DNM1L: variants seen among roughly 807,000 people sequenced by gnomAD.
DNM1L encodes dynamin 1L.
In DNM1L, 33 loss-of-function variants were observed where a neutral mutation model predicts 92.8. The ratio of observed to expected loss-of-function variants is 0.36; its 90% CI spans 0.27 to 0.48. The LOEUF (loss-of-function observed/expected upper bound fraction) is 0.48, where lower values mean the gene tolerates loss of function less well. DNM1L is among the 20% of genes least tolerant of loss of function. The probability of loss-of-function intolerance (pLI) is 0.99; values close to 1 mark genes in which losing one functional copy is unlikely to be tolerated. For synonymous variants in DNM1L, 284 were observed against 305.0 expected (o/e 0.93, Z 0.72); for missense variants, 485 against 888.8 (o/e 0.55, Z 5.78).
At chr12:32,737,976 C>G (rs1380629848) in intron 15 of DNM1L, 34 bp downstream of exon 15, 5 of 1,597,040 alleles carry the variant, frequency 3.1e-6, no homozygotes, top group East Asian at 4.5e-5. Context: ...GCCTGCATGC[C>G]TTGTTCTCTG....
In DNM1L at chr12:32,742,655, A is replaced by C; in HGVS notation, c.2061A>C (p.Val687=). Residue 687 remains valine (V), a synonymous_variant, in exon 19 of 20, where the codon GTA becomes GTC. Transcript: ENST00000549701. ...AAGACACTCTTCAGAGTGAGCTAGT[A>C]GGCCAGCTGTATAAATCATCCTTAT... ...HVKDTLQSEL[V]GQLYKSSLLD... is the part of the protein sequence containing the mutation. The C allele has an allele frequency of 6.2e-7, 1 of 1,614,154 alleles. No individual in the cohort carries two copies. The highest frequency in any genetic ancestry group is 8.5e-7 in the Non-Finnish European group (1 of 1,180,022).
chr12:32,737,936 T>C lies in DNM1L; in HGVS notation c.1668T>C (p.Asp556=). 6.2e-7 allele frequency: 1 copy of C among 1,613,944 alleles called. No homozygotes were observed. The highest frequency in any genetic ancestry group is 8.5e-7 in the Non-Finnish European group (1 of 1,179,990). Residue 556 remains aspartate, a synonymous_variant, in exon 15 of 20, where the codon GAT becomes GAC. Transcript: ENST00000549701. Reference sequence around the variant, plus strand: ...CCCCCGCTGCTTCTGCTGAGGCTGATGGCAAGGTCTGTTCTGATTCTTAAT... The same window carrying C: ...CCCCCGCTGCTTCTGCTGAGGCTGACGGCAAGGTCTGTTCTGATTCTTAAT... ...EPSPAASAEA[D]GKLIQDSRRE...
rs1955573805 is a variant in DNM1L at position 32,745,168 on chromosome 12, G to A, written c.*1758G>A. On this transcript the variant is annotated 3_prime_UTR_variant, in exon 20 of 20. Transcript: ENST00000549701. ...GAGGATACATGCTCCCAAAACGTTT[G>A]TTACCACACTTAAAAATCACTGCCA... The A allele has an allele frequency of 3.6e-6, 1 of 277,584 alleles. No individual in the cohort carries two copies. The highest frequency in any genetic ancestry group is 3.7e-5 in the South Asian group (1 of 27,340). 17.2% of individuals were successfully genotyped at this position (277,584 alleles called of 1,614,324 possible).
Position 32,743,351 on chromosome 12 carries a change from C to A in DNM1L, c.2155-3C>A. On this transcript the variant is annotated splice_polypyrimidine_tract_variant and splice_region_variant and intron_variant, in intron 19 of 19. Coordinates refer to ENST00000549701, the MANE Select transcript of DNM1L (RefSeq NM_012062.5). ...ATTTAAAATTTTTTTTCCTTTAATGCAGGCATTACAAGGAGCCAGTCAAAT... is the reference window on the plus strand; with the variant it reads ...ATTTAAAATTTTTTTTCCTTTAATGAAGGCATTACAAGGAGCCAGTCAAAT... 1 of 1,613,416 alleles carries A rather than the reference C, an allele frequency of 6.2e-7. No individual in the cohort carries two copies. The highest frequency in any genetic ancestry group is 8.5e-7 in the Non-Finnish European group (1 of 1,179,836).
Position 32,701,446 on chromosome 12 carries a change from T to G in DNM1L, c.134T>G (p.Leu45Arg). 1 of 1,614,038 alleles carries G rather than the reference T, an allele frequency of 6.2e-7. No homozygotes were observed. The highest frequency in any genetic ancestry group is 8.5e-7 in the Non-Finnish European group (1 of 1,179,916). The part of the protein sequence containing the change: ...SSGKSSVLES[L>R]VGRDLLPRGT... The stretch of plus-strand genomic sequence containing the variant: ...GGAAAGAGCTCAGTGCTAGAAAGCC[T>G]GGTGGGGAGGGACCTGCTTCCCAGA... The change falls in exon 2 of 20, where the codon CTG becomes CGG. Residue 45 changes from leucine to arginine, a missense_variant. Leu to Arg is a moderately radical substitution (Grantham distance 102). Transcript: ENST00000549701.
intron 1 of DNM1L, among the ~76,000 whole-genome samples, chr12:32,698,953 G>C (rs1952581901): frequency 6.6e-6 from 1 of 152,004 alleles, no homozygotes; most frequent in African/African-American, 2.4e-5. Flanking sequence ...CCAGAAGTTA[G>C]AGGCTGCAGT....
chr12:32,728,190 C>CACAGA (rs1338758404), intron 9 of DNM1L: 1 of 152,064 alleles, frequency 6.6e-6, no homozygotes, highest in Non-Finnish European at 1.5e-5. Context: ...GGGTACAATC[C>CACAGA]ACAGAGCTTG....
chr12:32,717,348 TTA>T (rs1470198702), intron 6 of DNM1L, among the ~76,000 whole-genome samples: 6 of 64,874 alleles, frequency 9.2e-5, no homozygotes, highest in African/African-American at 4.6e-4. Context: ...ATACTATATA[TTA>T]TATATAGTAT....
intron 14 of DNM1L, chr12:32,737,393 A>C (rs530860986): frequency 2.0e-6 from 1 of 499,914 alleles, no homozygotes; most frequent in East Asian, 3.5e-5. Context: ...CATTTATTTA[A>C]GCATTTAAGC....
At chr12:32,689,981 T>C (rs986835080) in intron 1 of DNM1L, among the ~76,000 whole-genome samples, 1 of 152,358 alleles carries the variant, frequency 6.6e-6, no homozygotes, top group South Asian at 2.1e-4. Flanking sequence ...TTTGGGAGTT[T>C]GTGGAGAAAA....
intron 3 of DNM1L, among the ~76,000 whole-genome samples, 199 bp from the exon 4 acceptor site, chr12:32,707,954 G>T (rs1368968120): frequency 7.9e-6 from 1 of 126,112 alleles, no homozygotes; most frequent in African/African-American, 2.9e-5. Context: ...CTCTCTCAAA[G>T]AAAAAAAAAA....
chr12:32,687,173 T>TTGTGA (rs151269726), intron 1 of DNM1L, among the ~76,000 whole-genome samples: 23,255 of 151,796 alleles, frequency 0.15, 1,882 homozygotes, highest in Middle Eastern at 0.21. Flanking sequence ...CTTTTATTGC[T>TTGTGA]TTATGGTGTC....
chr12:32,717,630 A>T (rs1406430202), intron 6 of DNM1L, among the ~76,000 whole-genome samples: 5 of 100,714 alleles, frequency 5.0e-5, no homozygotes, highest in African/African-American at 1.2e-4. Context: ...TATATATATA[A>T]AAAATACATA....
intron 9 of DNM1L, among the ~76,000 whole-genome samples, chr12:32,727,828 G>T (rs901434768): frequency 1.3e-5 from 2 of 152,164 alleles, no homozygotes; most frequent in Non-Finnish European, 2.9e-5. Context: ...TATAAGCTGT[G>T]ATGGACTACC....
At chr12:32,733,443 C>A in intron 12 of DNM1L, 1 of 379,328 alleles carries the variant, frequency 2.6e-6, no homozygotes, top group Non-Finnish European at 4.8e-6. Flanking sequence ...GACTATTTTT[C>A]CCTAAGAGTA....
chr12:32,743,636 A>G lies in DNM1L; in HGVS notation c.*226A>G, dbSNP rs541909452. On this transcript the variant is annotated 3_prime_UTR_variant, in exon 20 of 20. Coordinates refer to ENST00000549701, the MANE Select transcript of DNM1L (RefSeq NM_012062.5). Reference sequence around the variant, plus strand: ...AAGTTTCCCAGTATATATAAAATACATCAAGTCTGTCTTGTGACAGTTTCA... The same window carrying G: ...AAGTTTCCCAGTATATATAAAATACGTCAAGTCTGTCTTGTGACAGTTTCA... 1.3e-4 allele frequency: 68 copies of G among 542,536 alleles called. No individual in the cohort carries two copies. Among genetic ancestry groups the G allele is most frequent in the Non-Finnish European group, 2.1e-4 (65 of 304,440 alleles). 33.6% of individuals were successfully genotyped at this position (542,536 alleles called of 1,614,324 possible).
intron 1 of DNM1L, among the ~76,000 whole-genome samples, chr12:32,681,275 CT>C (rs1951791644): frequency 6.6e-6 from 1 of 152,106 alleles, no homozygotes; most frequent in Admixed American, 6.6e-5. Flanking sequence ...GATAATCAGT[CT>C]TTTACTCAAG....
At chr12:32,738,412 A>G in intron 16 of DNM1L, 116 bp downstream of exon 16, 1 of 1,101,012 alleles carries the variant, frequency 9.1e-7, no homozygotes. Context: ...TGTCTGTGTT[A>G]TGTTCTTAAT....
chr12:32,686,528 G>C (rs1952021009), intron 1 of DNM1L, among the ~76,000 whole-genome samples: 2 of 152,164 alleles, frequency 1.3e-5, no homozygotes, highest in East Asian at 3.9e-4. Context: ...AACCACATTG[G>C]TTTATTCAAT....
Sources: allele counts gnomAD v4.1 joint callset (sites outside exome capture counted in the v4.1 genomes callset), GRCh38; gene constraint gnomAD v4.1.1; transcripts MANE v1.5; gene names NCBI Gene and HGNC (gene_info 2026-07-23, HGNC 2026-07-21).